Variants in THSD7A observed in about 807,000 individuals in gnomAD.
THSD7A encodes thrombospondin type 1 domain containing 7A, also known as thrombospondin type-1 domain-containing protein 7A.
THSD7A carries 96 observed loss-of-function variants against 231.3 expected under a neutral mutation model. That is an observed-to-expected ratio of 0.41 (90% CI 0.35 to 0.49). The LOEUF (loss-of-function observed/expected upper bound fraction) is 0.49, where lower values mean the gene tolerates loss of function less well. Ranked by LOEUF, THSD7A falls within the 20% of genes least tolerant of loss-of-function variation. The pLI is 0.05. For synonymous variants in THSD7A, 940 were observed against 743.3 expected (o/e 1.26, Z -4.30); for missense variants, 2,290 against 2,070.2 (o/e 1.11, Z -2.06).
intron 6 of THSD7A, among the ~76,000 whole-genome samples, chr7:11,518,118 G>C (rs1306912756): frequency 6.6e-6 from 1 of 152,182 alleles, no homozygotes; most frequent in African/African-American, 2.4e-5. Context: ...TTAGAGTCTA[G>C]GGCATAGTAG....
intron 1 of THSD7A, among the ~76,000 whole-genome samples, chr7:11,711,016 T>C (rs894546742): frequency 1.3e-5 from 2 of 150,924 alleles, no homozygotes; most frequent in Admixed American, 6.6e-5. Context: ...TTAAATAGTT[T>C]TGAGTGAGCA....
intron 1 of THSD7A, among the ~76,000 whole-genome samples, chr7:11,711,841 A>G (rs1780976269): frequency 6.6e-6 from 1 of 151,178 alleles, no homozygotes; most frequent in African/African-American, 2.4e-5. Flanking sequence ...CTGGTTACTT[A>G]CCATCTTTGC....
At chr7:11,685,852 C>T (rs1780031581) in intron 1 of THSD7A, among the ~76,000 whole-genome samples, 2 of 151,944 alleles carry the variant, frequency 1.3e-5, no homozygotes, top group African/African-American at 2.4e-5. Flanking sequence ...TTTGACCCAG[C>T]AGTCCCATTA....
intron 11 of THSD7A, among the ~76,000 whole-genome samples, chr7:11,449,656 A>G (rs1220707889): frequency 6.6e-6 from 1 of 152,108 alleles, no homozygotes; most frequent in Non-Finnish European, 1.5e-5. Flanking sequence ...GAAGAACATC[A>G]TCTGTAACAC....
chr7:11,627,015 T>C (rs1472356040), intron 2 of THSD7A, among the ~76,000 whole-genome samples: 1 of 152,152 alleles, frequency 6.6e-6, no homozygotes, highest in Non-Finnish European at 1.5e-5. Context: ...TGTTAGTTAC[T>C]AAAAGACTCA....
chr7:11,631,901 ACTCAT>A (rs1442821761), intron 2 of THSD7A, among the ~76,000 whole-genome samples: 3 of 152,170 alleles, frequency 2.0e-5, no homozygotes, highest in African/African-American at 7.2e-5. Flanking sequence ...TTTATTTAAC[ACTCAT>A]AAGAGTTAGT....
intron 1 of THSD7A, among the ~76,000 whole-genome samples, chr7:11,702,458 T>A (rs13239167): frequency 0.3 from 45,706 of 151,014 alleles, 7,467 homozygotes; most frequent in South Asian, 0.51. Context: ...GAATAACACC[T>A]GAAATCCTTC....
intron 4 of THSD7A, among the ~76,000 whole-genome samples, chr7:11,543,552 G>T (rs892276577): frequency 6.6e-6 from 1 of 152,134 alleles, no homozygotes; most frequent in Non-Finnish European, 1.5e-5. Flanking sequence ...GTAGTTCCTG[G>T]TGGAGAACTC....
intron 4 of THSD7A, among the ~76,000 whole-genome samples, chr7:11,560,311 G>A (rs557009888): frequency 6.6e-6 from 1 of 152,246 alleles, no homozygotes; most frequent in South Asian, 2.1e-4. Context: ...TTTCAGCTAG[G>A]CCTGATGCTT....
intron 1 of THSD7A, among the ~76,000 whole-genome samples, chr7:11,802,695 T>A (rs1224555591): frequency 6.6e-6 from 1 of 152,150 alleles, no homozygotes; most frequent in East Asian, 1.9e-4. Flanking sequence ...GTAACTAATT[T>A]ATAAAATTCT....
intron 6 of THSD7A, among the ~76,000 whole-genome samples, chr7:11,524,180 G>T (rs1788381227): frequency 6.6e-6 from 1 of 151,910 alleles, no homozygotes; most frequent in African/African-American, 2.4e-5. Flanking sequence ...TTGTACCCTG[G>T]CTCTGTGGTG....
intron 23 of THSD7A, among the ~76,000 whole-genome samples, chr7:11,391,387 T>C (rs552507116): frequency 6.6e-6 from 1 of 152,216 alleles, no homozygotes; most frequent in Non-Finnish European, 1.5e-5. Context: ...CTGGTGACTT[T>C]ATTTACACTG....
chr7:11,662,038 G>C (rs1217667018), intron 1 of THSD7A, among the ~76,000 whole-genome samples: 1 of 150,820 alleles, frequency 6.6e-6, no homozygotes, highest in African/African-American at 2.4e-5. Context: ...AAAATAATCA[G>C]AGAAAGAAAG....
chr7:11,412,595 T>C, intron 18 of THSD7A, 61 bp downstream of exon 18: 1 of 1,600,456 alleles, frequency 6.2e-7, no homozygotes, highest in Non-Finnish European at 8.5e-7. Flanking sequence ...ACAGGAATGC[T>C]TCAGAGCTGA....
chr7:11,384,535 T>G (rs1225604615), intron 23 of THSD7A: 1 of 151,980 alleles, frequency 6.6e-6, no homozygotes, highest in Non-Finnish European at 1.5e-5. Flanking sequence ...TAGTTTTGTA[T>G]GTGATGTAAG....
At chr7:11,578,768 G>C (rs1016137559) in intron 4 of THSD7A, among the ~76,000 whole-genome samples, 3 of 152,174 alleles carry the variant, frequency 2.0e-5, no homozygotes, top group Admixed American at 2.0e-4. Context: ...GCAGAAAATA[G>C]AGGAAAAGCA....
At chr7:11,598,127 G>A (rs974864070) in intron 2 of THSD7A, among the ~76,000 whole-genome samples, 10 of 152,188 alleles carry the variant, frequency 6.6e-5, no homozygotes, top group Admixed American at 2.0e-4. Flanking sequence ...ACCTAGTGGT[G>A]CACTTTGCAT....
At chr7:11,614,359 A>T (rs933893719) in intron 2 of THSD7A, among the ~76,000 whole-genome samples, 2 of 152,180 alleles carry the variant, frequency 1.3e-5, no homozygotes, top group African/African-American at 4.8e-5. Context: ...GTGCCTCTAC[A>T]TCAAATGGCA....
chr7:11,409,076 GCT>G (rs1783688131), intron 19 of THSD7A, among the ~76,000 whole-genome samples: 1 of 151,632 alleles, frequency 6.6e-6, no homozygotes. Context: ...CTTTTAATTT[GCT>G]CTCTCATTTA....
Sources: gnomAD v4.1 joint callset for allele counts (sites outside exome capture counted in the v4.1 genomes callset) on GRCh38, gnomAD v4.1.1 for gene constraint, MANE v1.5 for transcripts, NCBI Gene and HGNC (gene_info 2026-07-23, HGNC 2026-07-21) for gene names.